ZNF385D: variants seen among roughly 807,000 people sequenced by gnomAD.
ZNF385D encodes the protein zinc finger protein 385D, also known as zinc finger protein 659.
Under a neutral mutation model 35.8 loss-of-function variants are expected in ZNF385D, and 15 were observed. The observed-to-expected ratio is 0.42, with a 90% CI of 0.28 to 0.64. The LOEUF (loss-of-function observed/expected upper bound fraction) is 0.64. Ranked by LOEUF, ZNF385D falls within the 30% of genes least tolerant of loss-of-function variation. ZNF385D has a pLI of 0.23. For missense variants in ZNF385D, 474 were observed against 494.6 expected (o/e 0.96, Z 0.39); for synonymous variants, 212 against 186.8 (o/e 1.13, Z -1.10).
intron 3 of ZNF385D, among the ~76,000 whole-genome samples, chr3:21,814,898 TCA>T (rs1435967096): frequency 1.3e-5 from 2 of 152,114 alleles, no homozygotes; most frequent in East Asian, 1.9e-4. Flanking sequence ...CAGCACTACA[TCA>T]CACTTATTCC....
chr3:22,285,420 A>G (rs1271091419), intron 2 of ZNF385D, among the ~76,000 whole-genome samples: 1 of 152,156 alleles, frequency 6.6e-6, no homozygotes, highest in African/African-American at 2.4e-5. Flanking sequence ...AAACCATTTG[A>G]AAGTTTTGGG....
intron 3 of ZNF385D, among the ~76,000 whole-genome samples, chr3:21,914,585 A>C (rs1165732521): frequency 6.6e-6 from 1 of 152,072 alleles, no homozygotes; most frequent in Non-Finnish European, 1.5e-5. Flanking sequence ...TATTTAAATT[A>C]TGAACATTTC....
rs866178686 is a variant in ZNF385D at position 21,940,669 on chromosome 3, A to G, written c.325+228148T>C. Among the ~76,000 whole-genome samples the G allele has an allele frequency of 1.1e-4, 17 of 152,332 alleles. 2 individuals are homozygous for G. In the Middle Eastern group the frequency reaches 0.014, roughly 122 times the overall value. On this transcript the variant is annotated intron_variant, in intron 3 of 5. Transcript: ENST00000494108. The stretch of plus-strand genomic sequence containing the variant: ...TTATAAATATGTAATATAGTTCACT[A>G]TATTTCAATGCTGTGAAAAAATAAA...
chr3:22,141,667 GGGA>G (rs146577130), intron 3 of ZNF385D, among the ~76,000 whole-genome samples: 34,770 of 151,794 alleles, frequency 0.23, 4,136 homozygotes, highest in Middle Eastern at 0.29. Flanking sequence ...CCGCCCCTGG[GGGA>G]GGAGGAGGAG....
At chr3:21,595,910 C>G (rs1418802689) in intron 2 of ZNF385D, among the ~76,000 whole-genome samples, 1 of 152,160 alleles carries the variant, frequency 6.6e-6, no homozygotes, top group Non-Finnish European at 1.5e-5. Flanking sequence ...TGTCAGGCTC[C>G]AATCCTTCAT....
chr3:21,811,157 G>A (rs75480153), intron 3 of ZNF385D, among the ~76,000 whole-genome samples: 36 of 152,046 alleles, frequency 2.4e-4, no homozygotes, highest in African/African-American at 7.5e-4. Flanking sequence ...GAAAATATCC[G>A]TATAAACTCA....
intron 3 of ZNF385D, among the ~76,000 whole-genome samples, chr3:21,816,490 T>C (rs1242438270): frequency 2.6e-5 from 4 of 152,180 alleles, no homozygotes; most frequent in South Asian, 2.1e-4. Flanking sequence ...AGTCTCAAGA[T>C]ACAAAATCAA....
At chr3:22,105,317 T>C (rs1310890592) in intron 3 of ZNF385D, among the ~76,000 whole-genome samples, 2 of 151,960 alleles carry the variant, frequency 1.3e-5, no homozygotes, top group Admixed American at 6.6e-5. Context: ...CTTTTTTTTT[T>C]CAGAGATCAG....
At chr3:21,434,198 T>G (rs949319337) in intron 5 of ZNF385D, among the ~76,000 whole-genome samples, 2 of 152,146 alleles carry the variant, frequency 1.3e-5, no homozygotes, top group Non-Finnish European at 2.9e-5. Flanking sequence ...CCCCAATTGT[T>G]CAACTTGGTA....
In ZNF385D at chr3:21,564,619, C is replaced by T. The variant is rs147921825; in HGVS notation, c.231G>A (p.Lys77=). 9,213 of 1,568,812 alleles carry T rather than the reference C, an allele frequency of 5.9e-3. 45 individuals are homozygous for T. The highest frequency in any genetic ancestry group is 6.9e-3 in the Non-Finnish European group (7,999 of 1,156,292). The part of the protein sequence containing the change: ...TFGVPLPHRR[K]QIISCNICQL... ...GGCAAATGTTGCATGATATGATTTG[C>T]TTTCTTCGGTGGGGAAGAGGAACCC... The change falls in exon 3 of 8, where the codon AAG becomes AAA. Residue 77 remains lysine, a synonymous_variant. Coordinates refer to ENST00000281523, the MANE Select transcript of ZNF385D (RefSeq NM_024697.3).
At chr3:21,755,672 A>C (rs551520957), upstream of ZNF385D, among the ~76,000 whole-genome samples, 1 of 152,296 alleles carries the variant, frequency 6.6e-6, no homozygotes, top group African/African-American at 2.4e-5. Context: ...ATTTGCCTTT[A>C]CTTGTATGTA....
intron 2 of ZNF385D, among the ~76,000 whole-genome samples, chr3:22,237,457 G>C (rs951243889): frequency 2.3e-4 from 35 of 152,078 alleles, no homozygotes; most frequent in East Asian, 3.9e-4. Context: ...CATTTTATAG[G>C]TTTTCCTTTG....
chr3:22,243,899 C>T (rs1321951617), intron 2 of ZNF385D, among the ~76,000 whole-genome samples: 2 of 150,706 alleles, frequency 1.3e-5, no homozygotes, highest in African/African-American at 4.9e-5. Flanking sequence ...GGCCCTTAAG[C>T]TCAGGATACA....
In ZNF385D at chr3:21,766,117, T is replaced by C. The variant is rs185300483; in HGVS notation, c.326-101089A>G. Among the ~76,000 whole-genome samples, 150 of 152,042 alleles carry C rather than the reference T, an allele frequency of 9.9e-4. 2 individuals are homozygous for C. The highest frequency in any genetic ancestry group is 3.1e-3 in the Admixed American group (47 of 15,246). ...GGGAGAATCCAGGGCATTTGGGAAATGAACTAATAGTAGTTATGGGATTGA... is the reference window on the plus strand; with the variant it reads ...GGGAGAATCCAGGGCATTTGGGAAACGAACTAATAGTAGTTATGGGATTGA... On this transcript the variant is annotated intron_variant, in intron 3 of 5. Transcript: ENST00000494108.
chr3:22,024,705 G>A lies in ZNF385D; in HGVS notation c.325+144112C>T, dbSNP rs561493459. On this transcript the variant is annotated intron_variant, in intron 3 of 5. Transcript: ENST00000494108. ...ATGCATTTGACACTCCTGATTCACC[G>A]CTTGTGAGAGGCAAGGAGTTTAGTG... Among the ~76,000 whole-genome samples the A allele has an allele frequency of 1.5e-4, 23 of 152,198 alleles. No individual in the cohort carries two copies. The Middle Eastern group carries it at 0.01, about 68-fold the overall frequency.
Position 21,724,477 on chromosome 3 carries a change from C to CAAAAAAAAAAAAAAAAA in ZNF385D, c.22+26401_22+26417dup, listed in dbSNP as rs200803155. 5.2e-4 allele frequency among the ~76,000 whole-genome samples: 27 copies of CAAAAAAAAAAAAAAAAA among 52,012 alleles called. 4 individuals are homozygous for CAAAAAAAAAAAAAAAAA. The highest frequency in any genetic ancestry group is 1.4e-3 in the African/African-American group (9 of 6,320). The allele number at this position is 52,012 out of a possible 152,430, so 34.1% of individuals were successfully genotyped here. On this transcript the variant is annotated intron_variant, in intron 1 of 7. Coordinates refer to ENST00000281523, the MANE Select transcript of ZNF385D (RefSeq NM_024697.3). Reference sequence around the variant, plus strand: ...AATATTTACCAAGCAAATGGAAAGCCAAAAAAAAAAAAAAAAAAAAAAAAA... The same window carrying CAAAAAAAAAAAAAAAAA: ...AATATTTACCAAGCAAATGGAAAGCCAAAAAAAAAAAAAAAAAAAAAAAAAAAAAAAAAAAAAAAAAA...
At chr3:21,599,213 C>T (rs112277183) in intron 2 of ZNF385D, among the ~76,000 whole-genome samples, 3,239 of 152,178 alleles carry the variant, frequency 0.021, 62 homozygotes, top group Non-Finnish European at 0.028. Flanking sequence ...TTTGGCTGAA[C>T]TATTTTTTGT....
At chr3:21,691,534 C>A (rs1256295883) in intron 1 of ZNF385D, among the ~76,000 whole-genome samples, 1 of 152,102 alleles carries the variant, frequency 6.6e-6, no homozygotes, top group Non-Finnish European at 1.5e-5. Flanking sequence ...TCCTTTCTTT[C>A]TTCTAAGAAG....
intron 2 of ZNF385D, among the ~76,000 whole-genome samples, chr3:22,346,443 G>A (rs955797088): frequency 2.0e-5 from 3 of 152,128 alleles, no homozygotes; most frequent in Admixed American, 2.0e-4. Flanking sequence ...CATTTGCCAT[G>A]CATTCAATAT....
Sources: allele counts gnomAD v4.1 joint callset (sites outside exome capture counted in the v4.1 genomes callset), GRCh38; gene constraint gnomAD v4.1.1; transcripts MANE v1.5; gene names NCBI Gene and HGNC (gene_info 2026-07-23, HGNC 2026-07-21).